ROS1: variants seen among roughly 807,000 people sequenced by gnomAD.
ROS1 encodes the protein proto-oncogene tyrosine-protein kinase ROS.
ROS1 carries 263 observed loss-of-function variants against 273.5 expected under a neutral mutation model. The observed-to-expected ratio is 0.96, with a 90% CI of 0.87 to 1.06. ROS1 has a LOEUF of 1.06. Ranked by LOEUF, ROS1 falls within the 50% of genes least tolerant of loss-of-function variation. The pLI is 0.00. For synonymous variants in ROS1, 1,008 were observed against 954.1 expected (o/e 1.06, Z -1.04); for missense variants, 2,833 against 2,751.1 (o/e 1.03, Z -0.67).
intron 11 of ROS1, among the ~76,000 whole-genome samples, chr6:117,393,523 T>C (rs568309281): frequency 6.6e-6 from 1 of 152,304 alleles, no homozygotes; most frequent in African/African-American, 2.4e-5. Flanking sequence ...TTGACATCAA[T>C]GCAATACAAG....
rs1025709504 is a variant in ROS1, at chr6:117,387,822, C to T, written c.1957G>A (p.Gly653Ser). Residue 653 changes from glycine to serine, a missense_variant, in exon 14 of 44, where the codon GGC becomes AGC. Physicochemically the swap from Gly to Ser is moderately conservative, Grantham distance 56. Transcript: ENST00000368507. ...SVRASSPKRP[G>S]PWSEPSVGTT... ...CCCACTGAGGGCTCTGACCAGGGGC[C>T]TGGCCTCTTTGGAGAACTTGCTCTC... 3 of 1,614,180 alleles carry T rather than the reference C, an allele frequency of 1.9e-6. No individual in the cohort carries two copies. The highest frequency in any genetic ancestry group is 2.5e-6 in the Non-Finnish European group (3 of 1,180,032).
At chr6:117,387,589 C>G (rs563716852) in intron 14 of ROS1, among the ~76,000 whole-genome samples, 191 bp downstream of exon 14, 71 of 152,174 alleles carry the variant, frequency 4.7e-4, no homozygotes, top group Non-Finnish European at 8.5e-4. Flanking sequence ...AAATATCACA[C>G]AGTGCTTTAT....
At chr6:117,399,941 T>G (rs1243357819) in intron 7 of ROS1, among the ~76,000 whole-genome samples, 2 of 152,242 alleles carry the variant, frequency 1.3e-5, no homozygotes, top group East Asian at 3.8e-4. Context: ...CAATTACTAT[T>G]GTGCTTTAAA....
rs564889461 is a variant in ROS1, at chr6:117,300,997, C to T, written c.6692G>A (p.Gly2231Glu). Residue 2231 changes from glycine (G) to glutamate (E), a missense_variant, in exon 43 of 44, where the codon GGA becomes GAA. Coordinates refer to ENST00000368507, the MANE Select transcript of ROS1 (RefSeq NM_001378902.1). ...ACCTTCAAAGCTTTCATTTATGACT[C>T]CACTGTTGTTTGCTTCATCTCTGGA... ...YKSRDEANNS[G>E]VINESFEGED... 2 of 1,584,920 alleles carry T rather than the reference C, an allele frequency of 1.3e-6. No individual in the cohort carries two copies. The highest frequency in any genetic ancestry group is 1.9e-5 in the Admixed American group (1 of 53,550).
intron 18 of ROS1, among the ~76,000 whole-genome samples, chr6:117,369,511 T>G (rs1433392288): frequency 6.6e-6 from 1 of 151,922 alleles, no homozygotes; most frequent in Non-Finnish European, 1.5e-5. Context: ...GAGGCGGAGC[T>G]TGCAGTGAGC....
At chr6:117,306,030 GTTT>G (rs78945275) in intron 42 of ROS1, among the ~76,000 whole-genome samples, 1 of 123,084 alleles carries the variant, frequency 8.1e-6, no homozygotes. Flanking sequence ...TTCTCCTCAA[GTTT>G]TTTTTTTTTT....
chr6:117,419,165 A>G (rs1358471360), intron 1 of ROS1, among the ~76,000 whole-genome samples: 1 of 152,182 alleles, frequency 6.6e-6, no homozygotes, highest in Non-Finnish European at 1.5e-5. Flanking sequence ...TCTATCACTG[A>G]GCTCACTGAG....
At chr6:117,344,736 T>A (rs1264542611) in intron 27 of ROS1, among the ~76,000 whole-genome samples, 1 of 152,100 alleles carries the variant, frequency 6.6e-6, no homozygotes, top group South Asian at 2.1e-4. Context: ...AATAAAGGAC[T>A]CACTAAGGAT....
intron 12 of ROS1, among the ~76,000 whole-genome samples, chr6:117,391,231 CAAAAAGCA>C (rs1446355849): frequency 6.6e-6 from 1 of 151,968 alleles, no homozygotes; most frequent in African/African-American, 2.4e-5. Context: ...TTGTAGCAGG[CAAAAAGCA>C]AAAACAGCTT....
chr6:117,335,441 AG>A (rs1252129318), intron 32 of ROS1, among the ~76,000 whole-genome samples: 2 of 152,350 alleles, frequency 1.3e-5, no homozygotes, highest in Middle Eastern at 3.4e-3. Flanking sequence ...CAATTCCTCA[AG>A]GATCTAGAAC....
Position 117,418,571 on chromosome 6 carries a change from C to T in ROS1, c.124-65G>A, listed in dbSNP as rs1775517526. 2.4e-6 allele frequency: 3 copies of T among 1,228,566 alleles called. No individual in the cohort carries two copies. In the East Asian group the frequency reaches 7.9e-5, roughly 33 times the overall value. The allele number at this position is 1,228,566 out of a possible 1,614,324, so 76.1% of individuals were successfully genotyped here. On this transcript the variant is annotated intron_variant, in intron 1 of 43. Transcript: ENST00000368507. ...ACTGGGTTCCGTGTAACTAACACAC[C>T]TTTTAAAAAAGCTTCCTGAAATAAC...
intron 17 of ROS1, among the ~76,000 whole-genome samples, chr6:117,381,788 T>C (rs936762661): frequency 6.6e-6 from 1 of 152,196 alleles, no homozygotes; most frequent in African/African-American, 2.4e-5. Context: ...GATCGAATGA[T>C]AGAAATACTA....
intron 27 of ROS1, among the ~76,000 whole-genome samples, chr6:117,350,687 C>CTTTTTTTTTTTT (rs548987983): frequency 7.7e-6 from 1 of 130,044 alleles, no homozygotes; most frequent in Non-Finnish European, 1.6e-5. Flanking sequence ...GGTTTTTTTC[C>CTTTTTTTTTTTT]TTTTTTTTTT....
intron 26 of ROS1, among the ~76,000 whole-genome samples, 157 bp from the exon 27 acceptor site, chr6:117,353,323 G>C (rs961438332): frequency 5.3e-5 from 8 of 151,946 alleles, no homozygotes; most frequent in Admixed American, 5.2e-4. Context: ...ATTTGACTAA[G>C]GGTTTTAGAG....
chr6:117,371,137 A>G (rs1363241572), intron 18 of ROS1, among the ~76,000 whole-genome samples: 1 of 152,314 alleles, frequency 6.6e-6, no homozygotes, highest in African/African-American at 2.4e-5. Flanking sequence ...GACTCACATC[A>G]TGAACTTTTG....
chr6:117,406,530 C>A (rs1394481861), intron 5 of ROS1, among the ~76,000 whole-genome samples: 1 of 152,058 alleles, frequency 6.6e-6, no homozygotes, highest in Non-Finnish European at 1.5e-5. Context: ...AAAAATAAAG[C>A]ATTGATTACA....
chr6:117,301,059 C>T lies in ROS1; in HGVS notation c.6630G>A (p.Gln2210=), dbSNP rs373160577. Reference sequence around the variant, plus strand: ...TATTTAAGAAAAAATTTCTGAATAACTGAAGTTGGTCCTGAATTCTATGAA... The same window carrying T: ...TATTTAAGAAAAAATTTCTGAATAATTGAAGTTGGTCCTGAATTCTATGAA... ...PTFHRIQDQL[Q]LFRNFFLNSI... Residue 2210 remains glutamine (Q), a synonymous_variant, in exon 43 of 44, where the codon CAG becomes CAA. Transcript: ENST00000368507. The T allele has an allele frequency of 1.3e-5, 21 of 1,607,824 alleles. No individual in the cohort carries two copies. Among genetic ancestry groups the T allele is most frequent in the Non-Finnish European group, 1.8e-5 (21 of 1,177,406 alleles).
intron 34 of ROS1, 129 bp from the exon 35 acceptor site, chr6:117,324,544 C>A (rs1776503911): frequency 3.6e-6 from 2 of 562,312 alleles, no homozygotes; most frequent in East Asian, 3.1e-5. Flanking sequence ...AGTTGTTAGA[C>A]CGTTGGTAGC....
At chr6:117,418,037 T>C (rs1775464955) in intron 2 of ROS1, among the ~76,000 whole-genome samples, 1 of 152,224 alleles carries the variant, frequency 6.6e-6, no homozygotes, top group African/African-American at 2.4e-5. Flanking sequence ...TTGTTAAGTT[T>C]CTAGTTCCTG....
Sources: allele counts gnomAD v4.1 joint callset (sites outside exome capture counted in the v4.1 genomes callset), GRCh38; gene constraint gnomAD v4.1.1; transcripts MANE v1.5; gene names NCBI Gene and HGNC (gene_info 2026-07-23, HGNC 2026-07-21).